The following CSMD3 variants were observed in gnomAD, a reference collection of about 807,000 sequenced individuals.
CSMD3 encodes CUB and Sushi multiple domains 3.
CSMD3 carries 177 observed loss-of-function variants against 435.2 expected under a neutral mutation model. The ratio of observed to expected loss-of-function variants is 0.41; its 90% CI spans 0.36 to 0.46. The LOEUF (loss-of-function observed/expected upper bound fraction) is 0.46. Ranked by LOEUF, CSMD3 falls within the 20% of genes least tolerant of loss-of-function variation. CSMD3 has a pLI of 0.34. For synonymous variants in CSMD3, 1,656 were observed against 1,520.5 expected (o/e 1.09, Z -2.07); for missense variants, 4,265 against 4,504.6 (o/e 0.95, Z 1.52).
chr8:112,590,448 G>T (rs532998633), intron 22 of CSMD3, among the ~76,000 whole-genome samples: 9 of 151,772 alleles, frequency 5.9e-5, no homozygotes, highest in Non-Finnish European at 1.2e-4. Flanking sequence ...ATTGGAGGGG[G>T]TGGGAGACAA....
At chr8:112,565,622 T>G (rs1373788813) in intron 24 of CSMD3, among the ~76,000 whole-genome samples, 1 of 152,086 alleles carries the variant, frequency 6.6e-6, no homozygotes. Context: ...ATTTCTCCAG[T>G]GGGATTTTTT....
At chr8:112,868,143 G>T (rs999328245) in intron 10 of CSMD3, among the ~76,000 whole-genome samples, 3 of 151,950 alleles carry the variant, frequency 2.0e-5, no homozygotes, top group Non-Finnish European at 4.4e-5. Context: ...ACAGGGTCAG[G>T]ATCATCAGTA....
intron 27 of CSMD3, among the ~76,000 whole-genome samples, chr8:112,542,371 T>G (rs1194952472): frequency 7.2e-6 from 1 of 138,312 alleles, no homozygotes; most frequent in Non-Finnish European, 1.6e-5. Flanking sequence ...ATAGGTAAAA[T>G]AGTGTCTGCT....
intron 13 of CSMD3, among the ~76,000 whole-genome samples, chr8:112,784,797 T>C (rs1273871777): frequency 6.6e-6 from 1 of 151,978 alleles, no homozygotes; most frequent in Non-Finnish European, 1.5e-5. Context: ...AAGAAAAACT[T>C]GGGACCCAAT....
chr8:113,226,882 A>G (rs1212531714), intron 3 of CSMD3, among the ~76,000 whole-genome samples: 2 of 151,582 alleles, frequency 1.3e-5, no homozygotes, highest in Non-Finnish European at 3.0e-5. Context: ...AAAATTTGAT[A>G]TGTTTTGAAA....
intron 1 of CSMD3, among the ~76,000 whole-genome samples, chr8:113,388,558 A>C (rs1361293172): frequency 6.6e-6 from 1 of 151,536 alleles, no homozygotes; most frequent in African/African-American, 2.4e-5. Flanking sequence ...TGTTTGCAGC[A>C]ATTAAACCAA....
chr8:113,246,502 A>G (rs1456127282), intron 3 of CSMD3, among the ~76,000 whole-genome samples: 2 of 152,118 alleles, frequency 1.3e-5, no homozygotes, highest in Non-Finnish European at 2.9e-5. Context: ...CTTTAGATAT[A>G]ATTTCCTTTA....
At chr8:112,901,270 T>C (rs534997233) in intron 10 of CSMD3, among the ~76,000 whole-genome samples, 7 of 151,430 alleles carry the variant, frequency 4.6e-5, no homozygotes, top group Middle Eastern at 3.4e-3. Flanking sequence ...TGCAGTGTGT[T>C]ATGGCAATCA....
At chr8:112,595,611 G>C in intron 22 of CSMD3, among the ~76,000 whole-genome samples, 1 of 71,464 alleles carries the variant, frequency 1.4e-5, no homozygotes, top group Non-Finnish European at 2.7e-5. Flanking sequence ...AGGGCAGCCA[G>C]AGAGAAAGGT....
At chr8:112,742,269 G>A (rs1477754105) in intron 13 of CSMD3, among the ~76,000 whole-genome samples, 1 of 151,816 alleles carries the variant, frequency 6.6e-6, no homozygotes, top group African/African-American at 2.4e-5. Context: ...AGATTATAAT[G>A]TCATAAGCCT....
At chr8:113,227,781 C>T (rs1368926687) in intron 3 of CSMD3, among the ~76,000 whole-genome samples, 1 of 151,664 alleles carries the variant, frequency 6.6e-6, no homozygotes, top group Non-Finnish European at 1.5e-5. Flanking sequence ...GTCAATTAAA[C>T]TTCCTTTATT....
chr8:112,752,108 A>G (rs1397530374), intron 13 of CSMD3, among the ~76,000 whole-genome samples: 1 of 152,140 alleles, frequency 6.6e-6, no homozygotes, highest in African/African-American at 2.4e-5. Context: ...GCAAAACTAA[A>G]TAAGTTGTTT....
At chr8:112,600,308 A>C (rs1470467750) in intron 22 of CSMD3, among the ~76,000 whole-genome samples, 1 of 152,104 alleles carries the variant, frequency 6.6e-6, no homozygotes, top group Non-Finnish European at 1.5e-5. Context: ...ATTCACTGAA[A>C]AAATATGAAC....
At chr8:112,992,172 G>T (rs750655066) in intron 6 of CSMD3, among the ~76,000 whole-genome samples, 1 of 151,462 alleles carries the variant, frequency 6.6e-6, no homozygotes, top group Admixed American at 6.6e-5. Context: ...ATATGTCTTC[G>T]TTCCTTCCTT....
At chr8:112,311,190 C>T (rs767892112) in intron 49 of CSMD3, 24 bp from the exon 50 acceptor site, 7 of 1,574,508 alleles carry the variant, frequency 4.4e-6, no homozygotes, top group African/African-American at 2.7e-5. Flanking sequence ...AAAAAAAATG[C>T]TGTTTAATTA....
At chr8:112,944,788 T>A (rs1229328525) in intron 9 of CSMD3, among the ~76,000 whole-genome samples, 1 of 151,582 alleles carries the variant, frequency 6.6e-6, no homozygotes, top group Non-Finnish European at 1.5e-5. Context: ...AGTCCTCTGG[T>A]CTCTCATGAG....
chr8:112,861,301 A>G (rs560325102), intron 10 of CSMD3, among the ~76,000 whole-genome samples: 17 of 151,960 alleles, frequency 1.1e-4, no homozygotes, highest in South Asian at 8.3e-4. Flanking sequence ...ACCTAACTGC[A>G]TGAAAGCTTG....
intron 5 of CSMD3, among the ~76,000 whole-genome samples, chr8:113,082,197 T>G (rs2131458846): frequency 6.6e-6 from 1 of 152,244 alleles, no homozygotes; most frequent in African/African-American, 2.4e-5. Context: ...ATGGGGCAGC[T>G]GTGCCTTTGC....
intron 2 of CSMD3, among the ~76,000 whole-genome samples, chr8:113,307,772 T>C (rs1446246609): frequency 6.6e-6 from 1 of 152,186 alleles, no homozygotes; most frequent in Non-Finnish European, 1.5e-5. Context: ...CTCAATATTA[T>C]TAGGCATCAC....
Sources: allele counts gnomAD v4.1 joint callset (sites outside exome capture counted in the v4.1 genomes callset), GRCh38; gene constraint gnomAD v4.1.1; transcripts MANE v1.5; gene names NCBI Gene and HGNC (gene_info 2026-07-23, HGNC 2026-07-21).